PRDM10: variants seen among roughly 807,000 people sequenced by gnomAD.
PRDM10 encodes PR domain zinc finger protein 10.
PRDM10 carries 65 observed loss-of-function variants against 133.1 expected under a neutral mutation model. The observed-to-expected ratio is 0.49, with a 90% CI of 0.40 to 0.60. PRDM10 has a LOEUF of 0.60. Ranked by LOEUF, PRDM10 falls within the 20% of genes least tolerant of loss-of-function variation. PRDM10 has a pLI of 0.00. For synonymous variants in PRDM10, 582 were observed against 580.4 expected, an observed-to-expected ratio of 1.00 and a Z score of -0.04; for missense variants, 1,137 against 1,507.1, an observed-to-expected ratio of 0.75 and a Z score of 4.07.
At chr11:129,990,023 C>T (rs1039300955) in intron 1 of PRDM10, among the ~76,000 whole-genome samples, 1 of 151,690 alleles carries the variant, frequency 6.6e-6, no homozygotes, top group Non-Finnish European at 1.5e-5. Context: ...AGCAATATGG[C>T]GAAACCCCAT....
At chr11:129,926,190 T>C (rs1565466757) in intron 11 of PRDM10, among the ~76,000 whole-genome samples, 1 of 152,176 alleles carries the variant, frequency 6.6e-6, no homozygotes, top group Non-Finnish European at 1.5e-5. Context: ...TTCATGCAAT[T>C]GTTATAGGGC....
At chr11:129,964,574 A>G (rs11221913) in intron 1 of PRDM10, among the ~76,000 whole-genome samples, 4,967 of 152,304 alleles carry the variant, frequency 0.033, 270 homozygotes, top group African/African-American at 0.11. Context: ...CATTTCTTCT[A>G]TATCTTGTTT....
At chr11:129,966,544 C>T (rs942438817) in intron 1 of PRDM10, among the ~76,000 whole-genome samples, 3 of 152,078 alleles carry the variant, frequency 2.0e-5, no homozygotes, top group Admixed American at 6.6e-5. Flanking sequence ...AAAGATGACA[C>T]GATAACTTGG....
At chr11:129,950,331 A>G (rs186931969) in intron 4 of PRDM10, among the ~76,000 whole-genome samples, 3 of 152,292 alleles carry the variant, frequency 2.0e-5, no homozygotes, top group African/African-American at 7.2e-5. Context: ...CAACATTTGA[A>G]ACACTCTGTC....
chr11:129,935,679 A>G (rs1951006785), intron 8 of PRDM10, among the ~76,000 whole-genome samples: 2 of 152,246 alleles, frequency 1.3e-5, no homozygotes, highest in Admixed American at 6.5e-5. Context: ...AGGCATATCC[A>G]TGACCCAGCA....
In PRDM10 at chr11:129,947,055, G is replaced by T; in HGVS notation, c.520+90C>A. 1 of 1,527,194 alleles carries T rather than the reference G, an allele frequency of 6.5e-7. No individual in the cohort carries two copies. The highest frequency in any genetic ancestry group is 8.9e-7 in the Non-Finnish European group (1 of 1,127,446). 94.6% of individuals were successfully genotyped at this position (1,527,194 alleles called of 1,614,324 possible). A position where few individuals can be genotyped will look rare whatever the true frequency, so the allele number is the denominator to read the frequency against. On this transcript the variant is annotated intron_variant, in intron 5 of 20. Coordinates refer to ENST00000360871, the MANE Select transcript of PRDM10 (RefSeq NM_199437.2). The surrounding 1 kb of genome is among the most constrained non-coding windows in gnomAD (Gnocchi z 4.6). The stretch of plus-strand genomic sequence containing the variant: ...TTGGCTGCACACGGAAGGACCTGAC[G>T]CACGGGAGCTATGTTCACACACACG...
chr11:129,998,376 TA>T (rs147563821), intron 1 of PRDM10, among the ~76,000 whole-genome samples: 2,988 of 149,420 alleles, frequency 0.02, 108 homozygotes, highest in African/African-American at 0.068. Context: ...GGACATGGGT[TA>T]AAAAAAAAGG....
intron 1 of PRDM10, among the ~76,000 whole-genome samples, chr11:129,997,103 A>G (rs1271786027): frequency 6.6e-6 from 1 of 152,248 alleles, no homozygotes; most frequent in Non-Finnish European, 1.5e-5. Context: ...AGCTTAGGGC[A>G]AAACTGTCAA....
chr11:129,999,176 G>A (rs1939213453), intron 1 of PRDM10, among the ~76,000 whole-genome samples: 1 of 152,182 alleles, frequency 6.6e-6, no homozygotes, highest in Admixed American at 6.5e-5. Context: ...CCTAAGCAGT[G>A]ATTCAACTAA....
intron 17 of PRDM10, among the ~76,000 whole-genome samples, chr11:129,912,897 T>C (rs1310068633): frequency 6.8e-6 from 1 of 146,268 alleles, no homozygotes; most frequent in Non-Finnish European, 1.5e-5. Context: ...CTGTCTCCAC[T>C]AAAAATACAA....
At position 129,937,677 on chromosome 11, in the gene PRDM10, G is replaced by A. The variant is rs763982431; in HGVS notation, c.967-7C>T. 5 of 1,611,324 alleles carry A rather than the reference G, an allele frequency of 3.1e-6. No individual in the cohort carries two copies. Among genetic ancestry groups the A allele is most frequent in the Non-Finnish European group, 4.2e-6 (5 of 1,179,154 alleles). ...AGGATGCGGCATACCACACCTGCAA[G>A]AAGCAAGTATATCATCAAGAACTGG... On this transcript the variant is annotated splice_polypyrimidine_tract_variant and splice_region_variant and intron_variant, in intron 7 of 20. Coordinates refer to ENST00000360871, the MANE Select transcript of PRDM10 (RefSeq NM_199437.2).
chr11:129,996,159 C>G (rs1218168990), intron 1 of PRDM10, among the ~76,000 whole-genome samples: 7 of 152,106 alleles, frequency 4.6e-5, no homozygotes, highest in Admixed American at 4.6e-4. Flanking sequence ...GAAATAAGCA[C>G]AAATAATTGG....
intron 1 of PRDM10, among the ~76,000 whole-genome samples, chr11:129,963,382 G>GAGAGAAGAGAAGAGAAGGGA (rs1951835307): frequency 1.3e-5 from 1 of 74,586 alleles, no homozygotes; most frequent in South Asian, 5.0e-4. Flanking sequence ...AAAGAAAAAA[G>GAGAGAAGAGAAGAGAAGGGA]AGAGAAGAGA....
intron 1 of PRDM10, among the ~76,000 whole-genome samples, chr11:129,972,693 T>C (rs1952058472): frequency 1.3e-5 from 2 of 152,332 alleles, no homozygotes; most frequent in South Asian, 4.1e-4. Flanking sequence ...TAGAGGAGTC[T>C]TCAACAAGAG....
rs1951469849 is a variant in PRDM10 at position 129,947,828 on chromosome 11, G to T, written c.295-458C>A. On this transcript the variant is annotated intron_variant, in intron 4 of 20. Transcript: ENST00000360871. The surrounding 1 kb of genome is among the most constrained non-coding windows in gnomAD (Gnocchi z 4.6). ...GGTAAGCAACAGACCGTTTCGATGT[G>T]TGCACATGTGAGGTATCATCAGTTT... is the stretch of plus-strand genomic sequence containing the variant. Among the ~76,000 whole-genome samples, 1 of 152,176 alleles carries T rather than the reference G, an allele frequency of 6.6e-6. No homozygotes were observed. Among genetic ancestry groups the T allele is most frequent in the South Asian group, 2.1e-4 (1 of 4,834 alleles).
intron 17 of PRDM10, among the ~76,000 whole-genome samples, chr11:129,912,731 G>A (rs143083250): frequency 0.042 from 5,977 of 143,988 alleles, 153 homozygotes; most frequent in South Asian, 0.076. Context: ...CAGCCTGGGC[G>A]ACAGAGCGAG....
chr11:129,998,883 C>T (rs893817741), intron 1 of PRDM10, among the ~76,000 whole-genome samples: 19 of 146,588 alleles, frequency 1.3e-4, no homozygotes, highest in African/African-American at 4.8e-4. Context: ...AGTGCAGTGG[C>T]GTGATCTCGG....
chr11:129,980,017 A>G (rs1329384443), intron 1 of PRDM10, among the ~76,000 whole-genome samples: 1 of 152,248 alleles, frequency 6.6e-6, no homozygotes, highest in African/African-American at 2.4e-5. Flanking sequence ...CTTTCCATGC[A>G]CTAGGATGGC....
rs1051227534 is a variant in PRDM10 at position 129,988,884 on chromosome 11, C to A, written c.-119+13838G>T. Among the ~76,000 whole-genome samples the A allele has an allele frequency of 2.6e-5, 4 of 151,052 alleles. No individual in the cohort carries two copies. The East Asian group carries it at 7.7e-4, about 29-fold the overall frequency. The stretch of plus-strand genomic sequence containing the variant: ...GACCTCGTGATCCGCCCGCCTTGGC[C>A]TCCCAAAGTGCTGGGATTACAGGCG... On this transcript the variant is annotated intron_variant, in intron 1 of 20. Transcript: ENST00000360871.
Sources: gnomAD v4.1 joint callset for allele counts (sites outside exome capture counted in the v4.1 genomes callset) on GRCh38, gnomAD v4.1.1 for gene constraint, Gnocchi (gnomAD v3.1) non-coding constraint, MANE v1.5 for transcripts, NCBI Gene and HGNC (gene_info 2026-07-23, HGNC 2026-07-21) for gene names.